Variants in KRT23 observed in about 807,000 individuals in gnomAD.
KRT23 encodes the protein keratin, type I cytoskeletal 23.
KRT23 carries 38 observed loss-of-function variants against 47.6 expected under a neutral mutation model. That is an observed-to-expected ratio of 0.80 (90% CI 0.62 to 1.05). The LOEUF (loss-of-function observed/expected upper bound fraction) is 1.05. Ranked by LOEUF, KRT23 falls within the 50% of genes least tolerant of loss-of-function variation. KRT23 has a pLI of 0.00. For synonymous variants in KRT23, 191 were observed against 199.0 expected, an observed-to-expected ratio of 0.96 and a Z score of 0.34; for missense variants, 503 against 529.5, an observed-to-expected ratio of 0.95 and a Z score of 0.49.
chr17:40,936,553 G>T lies in KRT23; in HGVS notation c.51C>A (p.Gly17=). The T allele has an allele frequency of 6.6e-7, 1 of 1,520,888 alleles. No homozygotes were observed. Among genetic ancestry groups the T allele is most frequent in the Non-Finnish European group, 8.8e-7 (1 of 1,137,478 alleles). The allele number at this position is 1,520,888 out of a possible 1,614,324, so 94.2% of individuals were successfully genotyped here. ...TGGGCCGGCCCCAGCCACCTCCGGC[G>T]CCATGGAAGGAGGCCGAGGGGGTCT... ...FSQTPSASFH[G]AGGGWGRPRS... The change falls in exon 2 of 9, where the codon GGC becomes GGA. Residue 17 remains glycine (G), a synonymous_variant. Transcript: ENST00000209718.
intron 7 of KRT23, among the ~76,000 whole-genome samples, chr17:40,924,709 C>T (rs886286504): frequency 1.3e-5 from 2 of 152,152 alleles, no homozygotes; most frequent in East Asian, 1.9e-4. Flanking sequence ...TCCTGCTAAC[C>T]CTGGAGTCAG....
chr17:40,935,687 A>G (rs1910013588), intron 2 of KRT23, among the ~76,000 whole-genome samples: 1 of 152,196 alleles, frequency 6.6e-6, no homozygotes, highest in African/African-American at 2.4e-5. Flanking sequence ...GACAACTTTT[A>G]GGCATAATCT....
chr17:40,934,852 C>T (rs1028327118), intron 2 of KRT23, among the ~76,000 whole-genome samples: 1 of 152,192 alleles, frequency 6.6e-6, no homozygotes, highest in Non-Finnish European at 1.5e-5. Flanking sequence ...ATAGTGTTGA[C>T]ATGTGTATTA....
Position 40,923,101 on chromosome 17 carries a change from G to C in KRT23, c.1175-18C>G, listed in dbSNP as rs1405308366. The C allele has an allele frequency of 6.4e-7, 1 of 1,564,740 alleles. No homozygotes were observed. Among genetic ancestry groups the C allele is most frequent in the South Asian group, 1.1e-5 (1 of 89,958 alleles). On this transcript the variant is annotated intron_variant, in intron 8 of 8. Transcript: ENST00000209718. Reference sequence around the variant, plus strand: ...TGCAGACACTGAGAAAAAGAGCATGGAAGATGTCACTGCCATGCTTCTTCC... The same window carrying C: ...TGCAGACACTGAGAAAAAGAGCATGCAAGATGTCACTGCCATGCTTCTTCC...
chr17:40,925,640 T>C (rs9911787), intron 6 of KRT23, 66 bp from the exon 7 acceptor site: 26,241 of 1,232,772 alleles, frequency 0.021, 811 homozygotes, highest in African/African-American at 0.12. Flanking sequence ...CAGGTGATTG[T>C]TGAGTACTTA....
intron 2 of KRT23, 36 bp downstream of exon 2, chr17:40,936,172 C>T (rs1264884702): frequency 6.2e-7 from 1 of 1,612,322 alleles, no homozygotes; most frequent in Non-Finnish European, 8.5e-7. Context: ...GGCAAAGCAG[C>T]CCCATCTGGA....
At chr17:40,930,895 G>T (rs1446692530) in intron 3 of KRT23, among the ~76,000 whole-genome samples, 2 of 151,872 alleles carry the variant, frequency 1.3e-5, no homozygotes, top group African/African-American at 4.8e-5. Context: ...ACTATAATGT[G>T]CTTTATATCT....
intron 7 of KRT23, 142 bp downstream of exon 7, chr17:40,925,212 C>A: frequency 1.5e-6 from 1 of 662,516 alleles, no homozygotes; most frequent in South Asian, 1.8e-5. Context: ...ATACAGCCAG[C>A]TATAGGTATC....
Position 40,936,329 on chromosome 17 carries a change from GC to G in KRT23, c.274del (p.Ala92ProfsTer7). 1 of 1,614,224 alleles carries G rather than the reference GC, an allele frequency of 6.2e-7. No homozygotes were observed. On this transcript the variant is annotated frameshift_variant, in exon 2 of 9. Coordinates refer to ENST00000209718, the MANE Select transcript of KRT23 (RefSeq NM_015515.5). LOFTEE classifies it high-confidence loss of function. The stretch of plus-strand genomic sequence containing the variant: ...CAGCTTCATGTTGGCCTCCTCCAGG[GC>G]GCGAACCTTCTCCAGGTAGGAGGCC... Reference protein sequence around the residue: ...RLASYLEKVRALEEANMKLES... With the variant: ...RLASYLEKVRXLEEANMKLES...
chr17:40,925,228 G>T, intron 7 of KRT23, 126 bp downstream of exon 7: 1 of 741,214 alleles, frequency 1.3e-6, no homozygotes, highest in South Asian at 1.6e-5. Context: ...GTATCTTCTG[G>T]AGTAGCTCAA....
chr17:40,932,274 A>T (rs1567802856), intron 2 of KRT23, among the ~76,000 whole-genome samples: 1 of 150,454 alleles, frequency 6.6e-6, no homozygotes, highest in African/African-American at 2.4e-5. Flanking sequence ...TGTTCGTATA[A>T]TTTTTTTTTT....
At chr17:40,936,117 C>T (rs1910045395) in intron 2 of KRT23, 91 bp downstream of exon 2, 1 of 1,412,904 alleles carries the variant, frequency 7.1e-7, no homozygotes, top group Non-Finnish European at 9.8e-7. Context: ...TGCCATTTTC[C>T]TGGAAATTGT....
chr17:40,925,646 A>G, intron 6 of KRT23, 72 bp from the exon 7 acceptor site: 1 of 1,168,856 alleles, frequency 8.6e-7, no homozygotes, highest in Non-Finnish European at 1.2e-6. Context: ...ATTGTTGAGT[A>G]CTTAGCAGAT....
In KRT23 at chr17:40,936,292, G is replaced by A. The variant is rs186954807; in HGVS notation, c.312C>T (p.Ile104=). 1.9e-6 allele frequency: 3 copies of A among 1,614,218 alleles called. No individual in the cohort carries two copies. The African/African-American group carries it at 4.0e-5, about 22-fold the overall frequency. ...EEANMKLESR[I]LKWHQQRDPG... is the part of the protein sequence containing the mutation. ...GATCTCTCTGCTGGTGCCATTTCAG[G>A]ATGCGGCTTTCCAGCTTCATGTTGG... Residue 104 remains isoleucine, a synonymous_variant, in exon 2 of 9, where the codon ATC becomes ATT. Transcript: ENST00000209718.
chr17:40,929,710 A>G (rs1909510868), intron 4 of KRT23: 2 of 477,854 alleles, frequency 4.2e-6, no homozygotes, highest in Non-Finnish European at 7.3e-6. Flanking sequence ...AAAACTGTTG[A>G]CCAATTCATC....
intron 3 of KRT23, among the ~76,000 whole-genome samples, chr17:40,931,006 GT>G (rs1909626987): frequency 8.6e-6 from 1 of 116,568 alleles, no homozygotes; most frequent in Non-Finnish European, 1.7e-5. Flanking sequence ...GGCAAGATGA[GT>G]TTTCCTTTTT....
Position 40,925,575 on chromosome 17 carries a change from C to T in KRT23, c.922-1G>A. 1 of 1,606,070 alleles carries T rather than the reference C, an allele frequency of 6.2e-7. No individual in the cohort carries two copies. The highest frequency in any genetic ancestry group is 8.5e-7 in the Non-Finnish European group (1 of 1,173,924). On this transcript the variant is annotated splice_acceptor_variant, in intron 6 of 8. Transcript: ENST00000209718. LOFTEE classifies it high-confidence loss of function. ...ATAACATGTTTTCCAAAGCAGATTTCTGAAAGAGGAAATGATCTTCTGTTA... is the reference window on the plus strand; with the variant it reads ...ATAACATGTTTTCCAAAGCAGATTTTTGAAAGAGGAAATGATCTTCTGTTA...
intron 4 of KRT23, 139 bp from the exon 5 acceptor site, chr17:40,928,746 C>T (rs2143464272): frequency 1.5e-6 from 1 of 688,904 alleles, no homozygotes; most frequent in Non-Finnish European, 2.4e-6. Flanking sequence ...TTTGGTTTCT[C>T]AAATATTACT....
chr17:40,935,551 T>G (rs997314416), intron 2 of KRT23, among the ~76,000 whole-genome samples: 2 of 152,200 alleles, frequency 1.3e-5, no homozygotes, highest in Admixed American at 6.5e-5. Context: ...TTCTAAAAAT[T>G]ATGCTCATTT....
Sources: gnomAD v4.1 joint callset for allele counts (sites outside exome capture counted in the v4.1 genomes callset) on GRCh38, gnomAD v4.1.1 for gene constraint, MANE v1.5 for transcripts, NCBI Gene and HGNC (gene_info 2026-07-23, HGNC 2026-07-21) for gene names.